KCTD16: variants seen among roughly 807,000 people sequenced by gnomAD.
KCTD16 encodes potassium channel tetramerization domain containing 16.
A neutral mutation model predicts 33.2 loss-of-function variants in KCTD16; 13 were observed. That is an observed-to-expected ratio of 0.39 (90% CI 0.25 to 0.62). The LOEUF (loss-of-function observed/expected upper bound fraction) is 0.62. Among genes scored for constraint, KCTD16 ranks in the 20% least tolerant of loss-of-function variants. KCTD16 has a pLI of 0.50. For missense variants in KCTD16, 441 were observed against 525.1 expected, an observed-to-expected ratio of 0.84 and a Z score of 1.57; for synonymous variants, 197 against 195.3, an observed-to-expected ratio of 1.01 and a Z score of -0.07.
chr5:144,284,199 T>C (rs551308487), intron 3 of KCTD16, among the ~76,000 whole-genome samples: 12 of 152,346 alleles, frequency 7.9e-5, no homozygotes, highest in Admixed American at 7.2e-4. Context: ...ATTTTCCCAC[T>C]GGCCAGGCCT....
chr5:144,197,146 T>G (rs1752954281), intron 2 of KCTD16, among the ~76,000 whole-genome samples: 2 of 152,208 alleles, frequency 1.3e-5, no homozygotes, highest in African/African-American at 2.4e-5. Flanking sequence ...TCTGGTACCT[T>G]GACAAAATAC....
intron 3 of KCTD16, among the ~76,000 whole-genome samples, chr5:144,373,934 G>T (rs1032782067): frequency 6.6e-6 from 1 of 152,302 alleles, no homozygotes; most frequent in East Asian, 1.9e-4. Flanking sequence ...TTATCGTACA[G>T]TTCTGAAGAT....
chr5:144,449,578 AAAAC>A (rs1260740873), intron 3 of KCTD16, among the ~76,000 whole-genome samples: 1 of 152,002 alleles, frequency 6.6e-6, no homozygotes, highest in African/African-American at 2.4e-5. Context: ...AACTTTATGG[AAAAC>A]AAACAAAATA....
chr5:144,209,716 A>T (rs930563182), intron 3 of KCTD16, among the ~76,000 whole-genome samples: 5 of 151,088 alleles, frequency 3.3e-5, no homozygotes, highest in African/African-American at 1.2e-4. Context: ...AGATGCTCTA[A>T]AGAAGGGAGT....
chr5:144,421,903 C>A (rs1434357786), intron 3 of KCTD16, among the ~76,000 whole-genome samples: 1 of 152,066 alleles, frequency 6.6e-6, no homozygotes, highest in African/African-American at 2.4e-5. Flanking sequence ...GAATTTGGGT[C>A]ATCTTACCTT....
At chr5:144,270,980 A>G (rs1755277315) in intron 3 of KCTD16, among the ~76,000 whole-genome samples, 2 of 152,000 alleles carry the variant, frequency 1.3e-5, no homozygotes, top group South Asian at 4.1e-4. Flanking sequence ...GAAAAAATAG[A>G]AAATTTGATT....
intron 3 of KCTD16, among the ~76,000 whole-genome samples, chr5:144,392,272 C>T (rs892349034): frequency 3.9e-5 from 6 of 152,100 alleles, no homozygotes; most frequent in African/African-American, 1.4e-4. Flanking sequence ...ATAAAGGGGG[C>T]CAATGTGGCT....
At chr5:144,189,755 T>C (rs1752805109) in intron 2 of KCTD16, among the ~76,000 whole-genome samples, 1 of 152,224 alleles carries the variant, frequency 6.6e-6, no homozygotes, top group Admixed American at 6.5e-5. Context: ...GCATTTTTCC[T>C]CTTTTCCCTT....
At chr5:144,317,187 C>T (rs1234667540) in intron 3 of KCTD16, among the ~76,000 whole-genome samples, 1 of 151,890 alleles carries the variant, frequency 6.6e-6, no homozygotes, top group Admixed American at 6.6e-5. Flanking sequence ...TTTTGGCAAC[C>T]AAGTCTTCAA....
chr5:144,207,117 T>A lies in KCTD16; in HGVS notation c.403T>A (p.Cys135Ser), dbSNP rs1402891254. 13 of 1,610,720 alleles carry A rather than the reference T, an allele frequency of 8.1e-6. No individual in the cohort carries two copies. Among genetic ancestry groups the A allele is most frequent in the Non-Finnish European group, 1.1e-5 (13 of 1,178,456 alleles). The change falls in exon 3 of 4, where the codon TGC (cysteine) becomes AGC (serine). Residue 135 changes from cysteine (C) to serine (S), a missense_variant. Physicochemically the swap from Cys to Ser is moderately radical, Grantham distance 112. This residue lies in a region of KCTD16 where 355 missense variants were observed against 413.0 expected (regional missense o/e 0.86). Transcript: ENST00000512467. Reference protein sequence around the residue: ...DEIKQSPDEFCHSDFEDASQG... With the variant: ...DEIKQSPDEFSHSDFEDASQG... ...AATCAAGCAAAGCCCAGATGAATTC[T>A]GCCACAGTGACTTTGAAGATGCCTC...
At chr5:144,363,234 C>G (rs1284916413) in intron 3 of KCTD16, among the ~76,000 whole-genome samples, 1 of 152,036 alleles carries the variant, frequency 6.6e-6, no homozygotes, top group Non-Finnish European at 1.5e-5. Flanking sequence ...CCCAGTTACT[C>G]TGGAGGCTGA....
At chr5:144,350,821 G>T (rs1377540713) in intron 3 of KCTD16, among the ~76,000 whole-genome samples, 3 of 150,184 alleles carry the variant, frequency 2.0e-5, no homozygotes, top group Admixed American at 2.0e-4. Flanking sequence ...CACAGACAGT[G>T]ATTATTATTG....
chr5:144,265,433 GT>G (rs1755116576), intron 3 of KCTD16, among the ~76,000 whole-genome samples: 1 of 152,162 alleles, frequency 6.6e-6, no homozygotes, highest in African/African-American at 2.4e-5. Context: ...TATGAGAGTT[GT>G]TGGAATAATA....
At chr5:144,423,799 T>G (rs1268855429) in intron 3 of KCTD16, among the ~76,000 whole-genome samples, 2 of 152,078 alleles carry the variant, frequency 1.3e-5, no homozygotes, top group Non-Finnish European at 2.9e-5. Flanking sequence ...AGAAAAAAAG[T>G]AATAAATAAC....
chr5:144,363,904 T>C (rs116460797), intron 3 of KCTD16, among the ~76,000 whole-genome samples: 1,894 of 152,310 alleles, frequency 0.012, 32 homozygotes, highest in African/African-American at 0.043. Context: ...TCTATTGTTC[T>C]CAAATTTTGG....
At chr5:144,365,652 A>G (rs1751816469) in intron 3 of KCTD16, among the ~76,000 whole-genome samples, 1 of 152,216 alleles carries the variant, frequency 6.6e-6, no homozygotes, top group South Asian at 2.1e-4. Context: ...TGGCAAAGGC[A>G]GTGGGATGTG....
In KCTD16 at chr5:144,300,497, G is replaced by A. The variant is rs140296315; in HGVS notation, c.832+92951G>A. 3.3e-5 allele frequency among the ~76,000 whole-genome samples: 5 copies of A among 152,246 alleles called. No homozygotes were observed. The South Asian group carries it at 1.0e-3, about 32-fold the overall frequency. On this transcript the variant is annotated intron_variant, in intron 3 of 3. Coordinates refer to ENST00000512467, the MANE Select transcript of KCTD16 (RefSeq NM_020768.4). ...ACAGTGTAGTAGAAAGTATCTTGTA[G>A]CTCACAGGGTATTTTGCAATAGAAT... is the stretch of plus-strand genomic sequence containing the variant.
intron 2 of KCTD16, among the ~76,000 whole-genome samples, chr5:144,182,670 G>T (rs372385929): frequency 1.9e-4 from 29 of 152,036 alleles, no homozygotes; most frequent in Non-Finnish European, 1.5e-5. Context: ...GCTTGAGCCC[G>T]GGAGATTGAG....
At position 144,467,344 on chromosome 5, in the gene KCTD16, A is replaced by G. The variant is rs550361335; in HGVS notation, c.833-6316A>G. Among the ~76,000 whole-genome samples the G allele has an allele frequency of 1.2e-3, 183 of 152,030 alleles. 2 individuals carry two copies. Among genetic ancestry groups the G allele is most frequent in the African/African-American group, 4.1e-3 (172 of 41,460 alleles). Reference sequence around the variant, plus strand: ...ACACACACATTCACACACTCTAACTAAACTTTGCTGTCTGTACACAGCAGG... The same window carrying G: ...ACACACACATTCACACACTCTAACTGAACTTTGCTGTCTGTACACAGCAGG... On this transcript the variant is annotated intron_variant, in intron 3 of 3. Transcript: ENST00000512467.
Sources: gnomAD v4.1 joint callset for allele counts (sites outside exome capture counted in the v4.1 genomes callset) on GRCh38, gnomAD v4.1.1 for gene constraint, gnomAD v4.1.1 regional missense constraint, MANE v1.5 for transcripts, NCBI Gene and HGNC (gene_info 2026-07-23, HGNC 2026-07-21) for gene names.